XXYLT1: variants seen among roughly 807,000 people sequenced by gnomAD.
The protein encoded by XXYLT1 is xyloside xylosyltransferase 1, also known as UDP-xylose:alpha-xyloside alpha-1,3-xylosyltransferase.
In XXYLT1, 20 loss-of-function variants were observed where a neutral mutation model predicts 28.9. The ratio of observed to expected loss-of-function variants is 0.69; its 90% CI spans 0.49 to 1.00. The LOEUF is 1.00. Among genes scored for constraint, XXYLT1 ranks in the 50% least tolerant of loss-of-function variants. The probability of loss-of-function intolerance (pLI) is 0.00; values close to 1 mark genes in which losing one functional copy is unlikely to be tolerated. For missense variants in XXYLT1, 542 were observed against 560.1 expected, an observed-to-expected ratio of 0.97 and a Z score of 0.33; for synonymous variants, 257 against 253.8, an observed-to-expected ratio of 1.01 and a Z score of -0.12.
At chr3:195,112,483 CG>C (rs1717787561) in intron 3 of XXYLT1, among the ~76,000 whole-genome samples, 1 of 133,524 alleles carries the variant, frequency 7.5e-6, no homozygotes, top group Non-Finnish European at 1.6e-5. Context: ...CATGCACACA[CG>C]CATGGACACA....
chr3:195,101,794 C>G (rs1716787197), intron 3 of XXYLT1, among the ~76,000 whole-genome samples: 1 of 112,674 alleles, frequency 8.9e-6, no homozygotes, highest in Non-Finnish European at 1.7e-5. Flanking sequence ...GACCCTATCT[C>G]TATTGAAAAA....
intron 3 of XXYLT1, among the ~76,000 whole-genome samples, chr3:195,086,822 A>G (rs1336817534): frequency 1.3e-5 from 2 of 152,080 alleles, no homozygotes; most frequent in Non-Finnish European, 2.9e-5. Context: ...GGATGCATGT[A>G]GGTGATGAAG....
intron 3 of XXYLT1, among the ~76,000 whole-genome samples, chr3:195,119,068 G>A (rs1258331084): frequency 6.6e-6 from 1 of 151,898 alleles, no homozygotes; most frequent in Non-Finnish European, 1.5e-5. Flanking sequence ...ACGAGGTCAG[G>A]AGTTTAAGAC....
At chr3:195,253,797 C>G (rs945124910) in intron 1 of XXYLT1, among the ~76,000 whole-genome samples, 3 of 152,216 alleles carry the variant, frequency 2.0e-5, no homozygotes, top group African/African-American at 7.2e-5. Context: ...CCGCGCCCGG[C>G]CTGTTCACAT....
chr3:195,156,436 A>T lies in XXYLT1; in HGVS notation c.785+13T>A, dbSNP rs1407265775. ...GGGGTCGTGGAGGCGGCCCCCCTGC[A>T]GTCATGACGCACCTGTAAACTGGCT... On this transcript the variant is annotated intron_variant, in intron 3 of 3. Transcript: ENST00000310380. The T allele has an allele frequency of 6.2e-7, 1 of 1,612,822 alleles. No individual in the cohort carries two copies. The highest frequency in any genetic ancestry group is 1.7e-5 in the Admixed American group (1 of 59,980).
chr3:195,104,782 A>C (rs967671056), intron 3 of XXYLT1, among the ~76,000 whole-genome samples: 1 of 152,222 alleles, frequency 6.6e-6, no homozygotes, highest in African/African-American at 2.4e-5. Flanking sequence ...AAAATGCTAC[A>C]GGCAAAAACA....
At chr3:195,259,340 C>CA (rs1560180177) in intron 1 of XXYLT1, among the ~76,000 whole-genome samples, 1 of 152,280 alleles carries the variant, frequency 6.6e-6, no homozygotes, top group East Asian at 1.9e-4. Context: ...AGTGGCCTCT[C>CA]AGAGTCAGAG....
intron 1 of XXYLT1, among the ~76,000 whole-genome samples, chr3:195,234,795 T>C (rs913065201): frequency 3.3e-5 from 5 of 152,178 alleles, no homozygotes; most frequent in African/African-American, 1.2e-4. Context: ...CTTTCTTTAT[T>C]CTTGACTTTT....
chr3:195,177,238 CTGTG>C (rs1277150072), intron 2 of XXYLT1, among the ~76,000 whole-genome samples: 6 of 152,200 alleles, frequency 3.9e-5, no homozygotes, highest in African/African-American at 1.4e-4. Context: ...ATTTGTGCAT[CTGTG>C]ATGCTTCCTA....
At position 195,121,965 on chromosome 3, in the gene XXYLT1, A is replaced by G. The variant is rs1718381830; in HGVS notation, c.785+34484T>C. On this transcript the variant is annotated intron_variant, in intron 3 of 3. Coordinates refer to ENST00000310380, the MANE Select transcript of XXYLT1 (RefSeq NM_152531.5). Reference sequence around the variant, plus strand: ...CCTCCATTCCTCTTGTCTTAGTTCAAGCTATTATAACAAAGTACCACAGAC... The same window carrying G: ...CCTCCATTCCTCTTGTCTTAGTTCAGGCTATTATAACAAAGTACCACAGAC... The G allele has an allele frequency of 4.0e-5, 28 of 692,670 alleles. No individual in the cohort carries two copies. In the South Asian group the frequency reaches 4.2e-4, roughly 10 times the overall value. 42.9% of individuals were successfully genotyped at this position (692,670 alleles called of 1,614,324 possible).
chr3:195,131,921 T>A (rs1718926495), intron 3 of XXYLT1, among the ~76,000 whole-genome samples: 1 of 152,096 alleles, frequency 6.6e-6, no homozygotes, highest in Admixed American at 6.5e-5. Context: ...AGGGCCTCAG[T>A]GAAGAGGTTT....
chr3:195,074,760 A>G (rs1715020656), intron 3 of XXYLT1, among the ~76,000 whole-genome samples: 1 of 152,204 alleles, frequency 6.6e-6, no homozygotes, highest in South Asian at 2.1e-4. Context: ...TCAGTCCTTT[A>G]GGGGAACCAC....
chr3:195,181,133 C>T (rs990502498), intron 2 of XXYLT1, among the ~76,000 whole-genome samples: 15 of 152,178 alleles, frequency 9.9e-5, no homozygotes, highest in African/African-American at 2.9e-4. Flanking sequence ...TTTGAGAAGT[C>T]GGTGCTTGAG....
At chr3:195,186,678 T>C (rs1413759706) in intron 2 of XXYLT1, among the ~76,000 whole-genome samples, 1 of 151,808 alleles carries the variant, frequency 6.6e-6, no homozygotes, top group African/African-American at 2.4e-5. Flanking sequence ...TCGTTGCCCT[T>C]ATTGCAGCTG....
chr3:195,270,515 T>G, intron 1 of XXYLT1, 40 bp downstream of exon 1: 1 of 1,359,052 alleles, frequency 7.4e-7, no homozygotes, highest in South Asian at 1.7e-5. Context: ...TAGGATGGGG[T>G]GGGCCACCCA....
intron 2 of XXYLT1, among the ~76,000 whole-genome samples, chr3:195,169,727 A>AAC (rs1159691472): frequency 1.4e-4 from 21 of 151,800 alleles, no homozygotes; most frequent in Non-Finnish European, 8.8e-5. Flanking sequence ...ACTATATACA[A>AAC]ACACACACAC....
chr3:195,156,686 T>C, intron 2 of XXYLT1, 105 bp from the exon 3 acceptor site: 1 of 1,430,076 alleles, frequency 7.0e-7, no homozygotes, highest in Non-Finnish European at 9.4e-7. Flanking sequence ...ACTGGACTCT[T>C]ACTGTTGTCA....
At chr3:195,242,131 G>T (rs1724802898) in intron 1 of XXYLT1, among the ~76,000 whole-genome samples, 1 of 152,164 alleles carries the variant, frequency 6.6e-6, no homozygotes. Flanking sequence ...AGAGAGGAGG[G>T]GCGATGGGAC....
chr3:195,112,834 C>T (rs1302253884), intron 3 of XXYLT1, among the ~76,000 whole-genome samples: 1 of 150,208 alleles, frequency 6.7e-6, no homozygotes, highest in Non-Finnish European at 1.5e-5. Flanking sequence ...GCAGCGCACA[C>T]ACGCACACAC....
Sources: gnomAD v4.1 joint callset for allele counts (sites outside exome capture counted in the v4.1 genomes callset) on GRCh38, gnomAD v4.1.1 for gene constraint, MANE v1.5 for transcripts, NCBI Gene and HGNC (gene_info 2026-07-23, HGNC 2026-07-21) for gene names.